Variants in GRIP2 observed in about 807,000 individuals in gnomAD.
GRIP2 encodes the protein glutamate receptor interacting protein 2.
GRIP2 carries 58 observed loss-of-function variants against 108.3 expected under a neutral mutation model. That is an observed-to-expected ratio of 0.54 (90% CI 0.43 to 0.67). The LOEUF is 0.67. GRIP2 is among the 30% of genes least tolerant of loss of function. The probability of loss-of-function intolerance (pLI) is 0.00; values close to 1 mark genes in which losing one functional copy is unlikely to be tolerated. For missense variants in GRIP2, 1,278 were observed against 1,430.6 expected (o/e 0.89, Z 1.72); for synonymous variants, 586 against 598.2 (o/e 0.98, Z 0.30).
rs370551057 is a variant in GRIP2 at position 14,517,066 on chromosome 3, G to C, written c.1304C>G (p.Ser435Trp). 1.3e-6 allele frequency: 2 copies of C among 1,560,550 alleles called. No individual in the cohort carries two copies. Among genetic ancestry groups the C allele is most frequent in the Non-Finnish European group, 8.7e-7 (1 of 1,154,026 alleles). ...RRQRRREHKS[S>W]LSLASSTVGP... ...GGAGGGAAGAGACCACAGCTTACACGAGCTCTTGTGTTCCCTTCTTCGCTG... is the reference window on the plus strand; with the variant it reads ...GGAGGGAAGAGACCACAGCTTACACCAGCTCTTGTGTTCCCTTCTTCGCTG... Residue 435 changes from serine (S) to tryptophan (W), a missense_variant and splice_region_variant, in exon 11 of 24, where the codon TCG (serine) becomes TGG (tryptophan). Coordinates refer to ENST00000621039, the MANE Select transcript of GRIP2 (RefSeq NM_001080423.4).
Position 14,489,198 on chromosome 3 carries a change from GAT to G in GRIP2, c.*4465_*4466del, listed in dbSNP as rs1199895877. Reference sequence around the variant, plus strand: ...AAGCTTTTGTGTATAAATGTTTTATGATATGATTCCCTGTATTTTGCAGGGGT... The same window carrying G: ...AAGCTTTTGTGTATAAATGTTTTATGATGATTCCCTGTATTTTGCAGGGGT... On this transcript the variant is annotated 3_prime_UTR_variant, in exon 24 of 24. Transcript: ENST00000621039. 6.6e-6 allele frequency: 1 copy of G among 152,580 alleles called. No individual in the cohort carries two copies. The highest frequency in any genetic ancestry group is 1.5e-5 in the Non-Finnish European group (1 of 68,026). The allele number at this position is 152,580 out of a possible 1,614,324, so 9.5% of individuals were successfully genotyped here.
the GRIP2 span, among the ~76,000 whole-genome samples, chr3:14,576,564 C>T: frequency 6.6e-6 from 1 of 152,220 alleles, no homozygotes; most frequent in East Asian, 1.9e-4. Flanking sequence ...TGAACTTGAT[C>T]CTCACAGCAG....
rs1232123817 is a variant in GRIP2, at chr3:14,512,510, A to G, written c.1720+267T>C. 6.6e-6 allele frequency among the ~76,000 whole-genome samples: 1 copy of G among 152,166 alleles called. No individual in the cohort carries two copies. Among genetic ancestry groups the G allele is most frequent in the Non-Finnish European group, 1.5e-5 (1 of 68,024 alleles). On this transcript the variant is annotated intron_variant, in intron 14 of 23. Coordinates refer to ENST00000621039, the MANE Select transcript of GRIP2 (RefSeq NM_001080423.4). This position sits in a 1 kb window ranked among gnomAD's most constrained non-coding sequence, Gnocchi z 5.1. Reference sequence around the variant, plus strand: ...TGTCACCTTCCAATGCTCTCTCACCATGGGCACCTCACAAGCCCCCTGGGA... The same window carrying G: ...TGTCACCTTCCAATGCTCTCTCACCGTGGGCACCTCACAAGCCCCCTGGGA...
intron 1 of GRIP2, among the ~76,000 whole-genome samples, chr3:14,532,727 T>G (rs544106122): frequency 7.4e-4 from 112 of 152,138 alleles, no homozygotes; most frequent in African/African-American, 2.6e-3. Flanking sequence ...GGGCTCAGAC[T>G]GACTTAAGGG....
rs765011801 is a variant in GRIP2, at chr3:14,521,670, A to C, written c.684T>G (p.Phe228Leu). 2.7e-5 allele frequency: 44 copies of C among 1,611,942 alleles called. No individual in the cohort carries two copies. The highest frequency in any genetic ancestry group is 3.6e-5 in the Non-Finnish European group (43 of 1,179,154). ...TLRQCSHEAL[F>L]QVEYDVATPD... Reference sequence around the variant, plus strand: ...GGGTGGCCACATCATACTCCACCTGAAAGAGTGCCTCGTGGCTGCACTGCC... The same window carrying C: ...GGGTGGCCACATCATACTCCACCTGCAAGAGTGCCTCGTGGCTGCACTGCC... Residue 228 changes from phenylalanine to leucine, a missense_variant, in exon 7 of 24, where the codon TTT (phenylalanine) becomes TTG (leucine). Transcript: ENST00000621039. The surrounding 1 kb of genome is among the most constrained non-coding windows in gnomAD (Gnocchi z 5.1).
intron 1 of GRIP2, among the ~76,000 whole-genome samples, chr3:14,530,643 T>C (rs1039071682): frequency 3.3e-5 from 5 of 152,226 alleles, no homozygotes; most frequent in Non-Finnish European, 5.9e-5. Flanking sequence ...GGATTGTTTT[T>C]CAAATTTCAT....
At chr3:14,589,174 A>G in the GRIP2 span, among the ~76,000 whole-genome samples, 1 of 151,566 alleles carries the variant, frequency 6.6e-6, no homozygotes, top group Non-Finnish European at 1.5e-5. Context: ...TTAGCTAGAG[A>G]ACGGGTGCAC....
chr3:14,548,275 A>G (rs1323601361), intron 1 of GRIP2, among the ~76,000 whole-genome samples: 1 of 152,168 alleles, frequency 6.6e-6, no homozygotes, highest in African/African-American at 2.4e-5. Context: ...TGCGGAGAAG[A>G]GAGGTCACCG....
intron 1 of GRIP2, among the ~76,000 whole-genome samples, chr3:14,527,571 G>A (rs1433244326): frequency 6.6e-6 from 1 of 152,144 alleles, no homozygotes; most frequent in Non-Finnish European, 1.5e-5. Flanking sequence ...TAGTATATTA[G>A]TCTAACTTAT....
At chr3:14,513,107 T>C (rs1694146753) in intron 13 of GRIP2, among the ~76,000 whole-genome samples, 2 of 152,126 alleles carry the variant, frequency 1.3e-5, no homozygotes, top group African/African-American at 4.8e-5. Flanking sequence ...TGTCGGCTAG[T>C]GTGGCGGGCG....
At chr3:14,579,992 G>A in the GRIP2 span, among the ~76,000 whole-genome samples, 3 of 152,344 alleles carry the variant, frequency 2.0e-5, no homozygotes, top group African/African-American at 7.2e-5. Context: ...CAGGTTCCCT[G>A]TGTGGCTTTC....
At chr3:14,549,552 A>C (rs192711351) in intron 1 of GRIP2, among the ~76,000 whole-genome samples, 6 of 152,320 alleles carry the variant, frequency 3.9e-5, no homozygotes, top group Non-Finnish European at 8.8e-5. Flanking sequence ...CAGGAAGAAC[A>C]AACCATCTTC....
chr3:14,598,489 T>C, the GRIP2 span, among the ~76,000 whole-genome samples: 2 of 152,034 alleles, frequency 1.3e-5, no homozygotes, highest in African/African-American at 4.8e-5. Flanking sequence ...TTAACTACGT[T>C]GACAGCCTTT....
At chr3:14,588,541 G>A in the GRIP2 span, among the ~76,000 whole-genome samples, 1 of 152,030 alleles carries the variant, frequency 6.6e-6, no homozygotes, top group Non-Finnish European at 1.5e-5. Context: ...TACCCTTCTG[G>A]GGTCCAGCCT....
the GRIP2 span, among the ~76,000 whole-genome samples, chr3:14,580,999 GA>G: frequency 0.25 from 37,761 of 151,892 alleles, 5,686 homozygotes; most frequent in South Asian, 0.35. Flanking sequence ...GCAGATTACT[GA>G]CTACCAGCTC....
chr3:14,602,285 C>G, the GRIP2 span: 1 of 127,352 alleles, frequency 7.9e-6, no homozygotes, highest in African/African-American at 3.0e-5. The surrounding 1 kb of genome is among the most constrained non-coding windows in gnomAD (Gnocchi z 4.7). Flanking sequence ...CGGGCGGCCC[C>G]GCGCAGGGGT....
the GRIP2 span, among the ~76,000 whole-genome samples, chr3:14,570,713 A>AT: frequency 1.3e-5 from 2 of 152,178 alleles, no homozygotes; most frequent in African/African-American, 4.8e-5. Flanking sequence ...ATCAGTCTCC[A>AT]GTGGATTGAA....
intron 4 of GRIP2, 21 bp from the exon 5 acceptor site, chr3:14,523,719 C>T: frequency 6.5e-7 from 1 of 1,534,148 alleles, no homozygotes; most frequent in Non-Finnish European, 9.0e-7. Context: ...ATGGAGGACT[C>T]CTTTGAGTCC....
chr3:14,543,278 G>A (rs1695007147), upstream of GRIP2, among the ~76,000 whole-genome samples: 1 of 152,238 alleles, frequency 6.6e-6, no homozygotes, highest in African/African-American at 2.4e-5. Flanking sequence ...CCCCGCCCAG[G>A]CCCGCCAAAT....
Sources: gnomAD v4.1 joint callset for allele counts (sites outside exome capture counted in the v4.1 genomes callset) on GRCh38, gnomAD v4.1.1 for gene constraint, Gnocchi (gnomAD v3.1) non-coding constraint, MANE v1.5 for transcripts, NCBI Gene and HGNC (gene_info 2026-07-23, HGNC 2026-07-21) for gene names.